The following RAD51B variants were observed in gnomAD, a reference collection of about 807,000 sequenced individuals.
RAD51B encodes DNA repair protein RAD51 homolog 2.
A neutral mutation model predicts 42.2 loss-of-function variants in RAD51B; 38 were observed. The ratio of observed to expected loss-of-function variants is 0.90; its 90% CI spans 0.70 to 1.18. The LOEUF is 1.18. Ranked by LOEUF, RAD51B falls within the 50% of genes most tolerant of loss-of-function variation. The pLI is 0.00. For synonymous variants in RAD51B, 154 were observed against 145.2 expected, an observed-to-expected ratio of 1.06 and a Z score of -0.43; for missense variants, 373 against 400.7, an observed-to-expected ratio of 0.93 and a Z score of 0.59.
chr14:68,167,600 A>C (rs904811088), intron 7 of RAD51B, among the ~76,000 whole-genome samples: 1 of 151,754 alleles, frequency 6.6e-6, no homozygotes, highest in African/African-American at 2.4e-5. Flanking sequence ...CTCAAGTTCT[A>C]CTCCCTTTTC....
intron 7 of RAD51B, among the ~76,000 whole-genome samples, chr14:67,943,624 A>G (rs561206669): frequency 3.9e-5 from 6 of 152,288 alleles, no homozygotes; most frequent in African/African-American, 1.4e-4. Flanking sequence ...TTAAAAGAAC[A>G]GTGAATCATA....
At chr14:68,399,386 A>G (rs963086927) in intron 8 of RAD51B, among the ~76,000 whole-genome samples, 1 of 150,964 alleles carries the variant, frequency 6.6e-6, no homozygotes, top group Non-Finnish European at 1.5e-5. Context: ...CCTCCCGAGT[A>G]GCTGGGACTA....
chr14:68,424,281 C>A (rs2084780842), intron 9 of RAD51B, among the ~76,000 whole-genome samples: 1 of 152,198 alleles, frequency 6.6e-6, no homozygotes, highest in Admixed American at 6.5e-5. Flanking sequence ...TCTCAGTTGT[C>A]TATTCTTCTC....
intron 10 of RAD51B, chr14:68,541,668 T>A (rs1887975997): frequency 1.0e-6 from 1 of 985,336 alleles, no homozygotes; most frequent in Non-Finnish European, 1.2e-6. Context: ...CTTTGGGGCC[T>A]TGTTTGGGCC....
chr14:68,669,911 A>G (rs1893118102), intron 11 of RAD51B, among the ~76,000 whole-genome samples: 1 of 152,204 alleles, frequency 6.6e-6, no homozygotes. Flanking sequence ...CAGTTTGGAC[A>G]ACCATGACTG....
intron 7 of RAD51B, among the ~76,000 whole-genome samples, chr14:68,098,541 T>C (rs1322452075): frequency 6.6e-6 from 1 of 152,210 alleles, no homozygotes; most frequent in Non-Finnish European, 1.5e-5. Flanking sequence ...AGGCACTTCT[T>C]ACATGGCAGT....
At chr14:68,217,777 T>C (rs2079846898) in intron 7 of RAD51B, among the ~76,000 whole-genome samples, 1 of 152,176 alleles carries the variant, frequency 6.6e-6, no homozygotes, top group Admixed American at 6.5e-5. Flanking sequence ...CGGGCACTCA[T>C]AGAATATTTT....
intron 10 of RAD51B, among the ~76,000 whole-genome samples, chr14:68,626,512 G>A (rs1198426288): frequency 6.6e-6 from 1 of 152,214 alleles, no homozygotes; most frequent in Non-Finnish European, 1.5e-5. Flanking sequence ...TCATCTGAAG[G>A]TTCTACTGAG....
At chr14:68,219,293 A>T (rs1478505288) in intron 7 of RAD51B, among the ~76,000 whole-genome samples, 1 of 152,190 alleles carries the variant, frequency 6.6e-6, no homozygotes, top group East Asian at 1.9e-4. Flanking sequence ...TCTATTCCAT[A>T]GCATTTCTTT....
At chr14:68,658,559 C>T (rs1388124643) in intron 11 of RAD51B, among the ~76,000 whole-genome samples, 1 of 152,206 alleles carries the variant, frequency 6.6e-6, no homozygotes, top group African/African-American at 2.4e-5. Flanking sequence ...TGTAATCACT[C>T]AGCCCTACTT....
chr14:68,040,667 C>A (rs990032898), intron 7 of RAD51B, among the ~76,000 whole-genome samples: 2 of 152,142 alleles, frequency 1.3e-5, no homozygotes, highest in South Asian at 2.1e-4. Context: ...AATGAAGACA[C>A]CAAAAAATCA....
At chr14:67,824,166 T>C (rs1016862008) in intron 2 of RAD51B, among the ~76,000 whole-genome samples, 6 of 152,232 alleles carry the variant, frequency 3.9e-5, no homozygotes, top group Non-Finnish European at 7.3e-5. Context: ...CCTTAAGCAA[T>C]CCTCCAGCCT....
intron 10 of RAD51B, among the ~76,000 whole-genome samples, chr14:68,575,186 TCAAAGA>T (rs1889906117): frequency 1.3e-5 from 2 of 152,214 alleles, no homozygotes; most frequent in African/African-American, 4.8e-5. Context: ...GGGTTTTCTG[TCAAAGA>T]TACTGACTCG....
chr14:68,540,729 G>C, intron 10 of RAD51B: 1 of 985,410 alleles, frequency 1.0e-6, no homozygotes, highest in Non-Finnish European at 1.2e-6. Flanking sequence ...GTGGGTTTAA[G>C]GGTAGTGAGG....
chr14:68,561,141 C>G (rs1227691623), intron 10 of RAD51B, among the ~76,000 whole-genome samples: 4 of 152,212 alleles, frequency 2.6e-5, no homozygotes, highest in Non-Finnish European at 5.9e-5. Context: ...CCAGCCTCCC[C>G]AGCTGAGAAC....
chr14:68,127,116 A>C (rs1368584922), intron 7 of RAD51B, among the ~76,000 whole-genome samples: 1 of 152,134 alleles, frequency 6.6e-6, no homozygotes. Flanking sequence ...CTTATCTCAT[A>C]TATGTGCCTC....
intron 7 of RAD51B, among the ~76,000 whole-genome samples, chr14:67,930,343 T>G (rs6573800): frequency 0.27 from 40,585 of 151,480 alleles, 6,911 homozygotes; most frequent in African/African-American, 0.48. Flanking sequence ...GTGTGTGTGT[T>G]TTTTTTTTCC....
At chr14:67,951,936 C>CA (rs2074459763) in intron 7 of RAD51B, among the ~76,000 whole-genome samples, 1 of 152,060 alleles carries the variant, frequency 6.6e-6, no homozygotes, top group South Asian at 2.1e-4. Context: ...CCATGTGACT[C>CA]ACAAATGTTG....
downstream of RAD51B, among the ~76,000 whole-genome samples, chr14:68,613,662 G>C (rs893308333): frequency 6.6e-6 from 1 of 151,892 alleles, no homozygotes; most frequent in East Asian, 1.9e-4. Flanking sequence ...CACCGTGTTA[G>C]CCAGGATGGT....
Sources: allele counts gnomAD v4.1 joint callset (sites outside exome capture counted in the v4.1 genomes callset), GRCh38; gene constraint gnomAD v4.1.1; transcripts MANE v1.5; gene names NCBI Gene and HGNC (gene_info 2026-07-23, HGNC 2026-07-21).